The following CNTN5 variants were observed in gnomAD, a reference collection of about 807,000 sequenced individuals.
CNTN5 encodes contactin-5.
A neutral mutation model predicts 129.1 loss-of-function variants in CNTN5; 77 were observed. The observed-to-expected ratio is 0.60, with a 90% CI of 0.50 to 0.72. The LOEUF (loss-of-function observed/expected upper bound fraction) is 0.72. CNTN5 is among the 30% of genes least tolerant of loss of function. The probability of loss-of-function intolerance (pLI) is 0.00; values close to 1 mark genes in which losing one functional copy is unlikely to be tolerated. For synonymous variants in CNTN5, 509 were observed against 465.6 expected, an observed-to-expected ratio of 1.09 and a Z score of -1.20; for missense variants, 1,478 against 1,328.8, an observed-to-expected ratio of 1.11 and a Z score of -1.75.
intron 1 of CNTN5, among the ~76,000 whole-genome samples, chr11:99,289,193 G>T (rs1433245708): frequency 6.6e-5 from 10 of 151,766 alleles, no homozygotes; most frequent in Non-Finnish European, 1.5e-4. Flanking sequence ...GATTCATTAT[G>T]CTATTATCTT....
intron 13 of CNTN5, among the ~76,000 whole-genome samples, chr11:100,187,714 G>A (rs747586060): frequency 2.0e-5 from 3 of 152,172 alleles, no homozygotes; most frequent in Non-Finnish European, 4.4e-5. Flanking sequence ...AATAAATGGT[G>A]TTGGGATCGC....
intron 8 of CNTN5, among the ~76,000 whole-genome samples, chr11:99,975,294 T>G (rs2137325771): frequency 6.6e-6 from 1 of 152,294 alleles, no homozygotes; most frequent in South Asian, 2.1e-4. Context: ...GGAGCTTACG[T>G]TTTAATGACT....
In CNTN5 at chr11:99,845,104, C is replaced by T. The variant is rs1291554089; in HGVS notation, c.419C>T (p.Thr140Ile). The T allele has an allele frequency of 6.2e-7, 1 of 1,613,246 alleles. No homozygotes were observed. Among genetic ancestry groups the T allele is most frequent in the East Asian group, 2.2e-5 (1 of 44,824 alleles). The change falls in exon 6 of 25, where the codon ACA becomes ATA. Residue 140 changes from threonine to isoleucine, a missense_variant. Physicochemically the swap from Thr to Ile is moderately conservative, Grantham distance 89 (BLOSUM62 -1). Coordinates refer to ENST00000524871, the MANE Select transcript of CNTN5 (RefSeq NM_014361.4). ...VPSYRWLRNG[T>I]EIDLESDYRY... The stretch of plus-strand genomic sequence containing the variant: ...TTCCTAAGATGGCTTCGAAATGGAA[C>T]AGAAATAGATCTGGAAAGTGATTAT...
intron 3 of CNTN5, among the ~76,000 whole-genome samples, chr11:99,583,953 G>A (rs367789430): frequency 1.3e-5 from 2 of 151,926 alleles, no homozygotes; most frequent in East Asian, 1.9e-4. Context: ...GTTTGTATTC[G>A]GCCATCTTGG....
intron 13 of CNTN5, among the ~76,000 whole-genome samples, chr11:100,111,564 T>C (rs1945658914): frequency 6.6e-6 from 1 of 152,182 alleles, no homozygotes; most frequent in Non-Finnish European, 1.5e-5. Context: ...AATAATGTTG[T>C]TCATTTTACC....
intron 2 of CNTN5, among the ~76,000 whole-genome samples, chr11:99,458,903 A>G (rs1944589152): frequency 6.6e-6 from 1 of 151,998 alleles, no homozygotes; most frequent in South Asian, 2.1e-4. Flanking sequence ...GAATTGCAAG[A>G]AGTTTTGTGC....
chr11:99,672,059 A>T (rs1953068478), intron 3 of CNTN5, among the ~76,000 whole-genome samples: 1 of 152,120 alleles, frequency 6.6e-6, no homozygotes, highest in Non-Finnish European at 1.5e-5. Context: ...ACATGACCAG[A>T]TTGTGTAATT....
intron 2 of CNTN5, among the ~76,000 whole-genome samples, chr11:99,449,020 C>T (rs1052059587): frequency 2.0e-5 from 3 of 151,976 alleles, no homozygotes; most frequent in East Asian, 1.9e-4. Context: ...TGAGCTCAAG[C>T]GATTCGCCTG....
intron 2 of CNTN5, among the ~76,000 whole-genome samples, chr11:99,554,291 T>G (rs958281626): frequency 6.6e-6 from 1 of 152,126 alleles, no homozygotes; most frequent in Non-Finnish European, 1.5e-5. Context: ...GTGTTCCTTG[T>G]CAGTCTTTCC....
chr11:99,246,081 G>T (rs1253154150), intron 1 of CNTN5, among the ~76,000 whole-genome samples: 1 of 152,038 alleles, frequency 6.6e-6, no homozygotes, highest in Admixed American at 6.6e-5. Flanking sequence ...AATTGTGTGT[G>T]ATGTTTCAAC....
chr11:99,686,073 C>G (rs938729267), intron 3 of CNTN5, among the ~76,000 whole-genome samples: 14 of 151,998 alleles, frequency 9.2e-5, no homozygotes, highest in Admixed American at 8.5e-4. Context: ...TGTTGGAACA[C>G]TTTTCCATTC....
intron 10 of CNTN5, among the ~76,000 whole-genome samples, chr11:100,068,972 G>A (rs1179673582): frequency 6.6e-6 from 1 of 152,126 alleles, no homozygotes; most frequent in African/African-American, 2.4e-5. Context: ...AAGGATGAAT[G>A]TTACAGGGAT....
chr11:100,088,454 G>C (rs888714622), intron 13 of CNTN5, among the ~76,000 whole-genome samples: 1 of 151,982 alleles, frequency 6.6e-6, no homozygotes, highest in African/African-American at 2.4e-5. Flanking sequence ...ACCAAATTTG[G>C]TTCTTTAAAA....
intron 2 of CNTN5, among the ~76,000 whole-genome samples, chr11:99,438,581 T>C (rs2135136786): frequency 6.6e-6 from 1 of 152,224 alleles, no homozygotes; most frequent in South Asian, 2.1e-4. Context: ...TATAACTTTT[T>C]CTAATTCATA....
intron 3 of CNTN5, among the ~76,000 whole-genome samples, chr11:99,666,887 A>C (rs1193704705): frequency 6.6e-6 from 1 of 152,172 alleles, no homozygotes; most frequent in Non-Finnish European, 1.5e-5. Context: ...CGTTACAGGA[A>C]TCTTTATTTT....
intron 2 of CNTN5, among the ~76,000 whole-genome samples, chr11:99,517,214 A>G (rs937133206): frequency 6.6e-6 from 1 of 152,128 alleles, no homozygotes; most frequent in Non-Finnish European, 1.5e-5. Flanking sequence ...CCACAAATTT[A>G]ACCGGTCATC....
At chr11:99,324,082 G>T (rs1865683779) in intron 1 of CNTN5, among the ~76,000 whole-genome samples, 1 of 152,130 alleles carries the variant, frequency 6.6e-6, no homozygotes, top group Non-Finnish European at 1.5e-5. Flanking sequence ...ATTTAAAATT[G>T]CTGATATTTC....
chr11:99,287,662 T>C (rs1863995457), intron 1 of CNTN5, among the ~76,000 whole-genome samples: 1 of 152,088 alleles, frequency 6.6e-6, no homozygotes, highest in African/African-American at 2.4e-5. Flanking sequence ...CTCATCATAG[T>C]GAATAGATAA....
In CNTN5 at chr11:100,357,702, G is replaced by T. The variant is rs888793889; in HGVS notation, c.*1482G>T. ...TAATTTAAACTTGTTAACTGTATTTGCTTCATTAATAACAAGCAAAATGAA... is the reference window on the plus strand; with the variant it reads ...TAATTTAAACTTGTTAACTGTATTTTCTTCATTAATAACAAGCAAAATGAA... On this transcript the variant is annotated 3_prime_UTR_variant, in exon 25 of 25. Transcript: ENST00000524871. The T allele has an allele frequency of 5.3e-5, 8 of 151,396 alleles. No individual in the cohort carries two copies. The highest frequency in any genetic ancestry group is 5.3e-4 in the Admixed American group (8 of 15,172). 9.4% of individuals were successfully genotyped at this position (151,396 alleles called of 1,614,324 possible). A position where few individuals can be genotyped will look rare whatever the true frequency, so the allele number is the denominator to read the frequency against.
Sources: gnomAD v4.1 joint callset for allele counts (sites outside exome capture counted in the v4.1 genomes callset) on GRCh38, gnomAD v4.1.1 for gene constraint, MANE v1.5 for transcripts, NCBI Gene and HGNC (gene_info 2026-07-23, HGNC 2026-07-21) for gene names.